The following TMEM170B variants were observed in gnomAD, a reference collection of about 807,000 sequenced individuals.
TMEM170B encodes the protein transmembrane protein 170B.
Under a neutral mutation model 13.0 loss-of-function variants are expected in TMEM170B, and 6 were observed. That is an observed-to-expected ratio of 0.46 (90% CI 0.25 to 0.91). TMEM170B has a LOEUF of 0.91. Among genes scored for constraint, TMEM170B ranks in the 40% least tolerant of loss-of-function variants. The probability of loss-of-function intolerance (pLI) is 0.17; values close to 1 mark genes in which losing one functional copy is unlikely to be tolerated. For missense variants in TMEM170B, 138 were observed against 165.2 expected (o/e 0.84, Z 0.90); for synonymous variants, 61 against 64.9 (o/e 0.94, Z 0.29).
intron 1 of TMEM170B, among the ~76,000 whole-genome samples, chr6:11,547,210 G>A (rs1400558329): frequency 6.6e-6 from 1 of 152,022 alleles, no homozygotes; most frequent in Non-Finnish European, 1.5e-5. Flanking sequence ...AATATTTAGT[G>A]TCAGTCAAAG....
At chr6:11,562,471 T>C (rs1274393003) in intron 1 of TMEM170B, among the ~76,000 whole-genome samples, 1 of 151,458 alleles carries the variant, frequency 6.6e-6, no homozygotes, top group Non-Finnish European at 1.5e-5. Flanking sequence ...CAGATGTATC[T>C]TCTTTGAAAT....
rs970210610 is a variant in TMEM170B, at chr6:11,579,331, C to G, written c.*3770C>G. 13 of 152,184 alleles carry G rather than the reference C, an allele frequency of 8.5e-5. No individual in the cohort carries two copies. Among genetic ancestry groups the G allele is most frequent in the African/African-American group, 3.1e-4 (13 of 41,446 alleles). 9.4% of individuals were successfully genotyped at this position (152,184 alleles called of 1,614,324 possible). On this transcript the variant is annotated 3_prime_UTR_variant, in exon 3 of 3. Transcript: ENST00000379426. ...ACTTCTCTGAGCCTCAGTTCATACT[C>G]CGTAAAATGTGACTAATACCTCATG...
intron 2 of TMEM170B, among the ~76,000 whole-genome samples, chr6:11,566,049 A>G (rs1759729503): frequency 6.6e-6 from 1 of 152,214 alleles, no homozygotes; most frequent in Non-Finnish European, 1.5e-5. Context: ...GTCCTTTTAC[A>G]AGGTTTTGAG....
intron 1 of TMEM170B, among the ~76,000 whole-genome samples, chr6:11,545,134 A>C (rs922331630): frequency 1.3e-5 from 2 of 152,142 alleles, no homozygotes; most frequent in African/African-American, 4.8e-5. Context: ...GTCCCTGGGA[A>C]AAAGATGAGG....
intron 2 of TMEM170B, among the ~76,000 whole-genome samples, chr6:11,566,175 TA>T (rs112414149): frequency 2.0e-5 from 3 of 152,302 alleles, no homozygotes; most frequent in African/African-American, 7.2e-5. Flanking sequence ...AACAAAGGCA[TA>T]AAAATATGTC....
rs1561693196 is a variant in TMEM170B, at chr6:11,583,139, TTTAAA to T, written c.*7582_*7586del. 2.0e-5 allele frequency: 3 copies of T among 152,232 alleles called. No homozygotes were observed. The highest frequency in any genetic ancestry group is 7.2e-5 in the African/African-American group (3 of 41,472). The allele number at this position is 152,232 out of a possible 1,614,324, so 9.4% of individuals were successfully genotyped here. ...TTAGCCTAGAGATGTTGATCTTTAT[TTTAAA>T]TTATTTTTCACCATTCTCATTTTCT... On this transcript the variant is annotated 3_prime_UTR_variant, in exon 3 of 3. Coordinates refer to ENST00000379426, the MANE Select transcript of TMEM170B (RefSeq NM_001100829.3).
intron 1 of TMEM170B, among the ~76,000 whole-genome samples, chr6:11,547,429 A>T (rs959885173): frequency 3.3e-5 from 5 of 152,270 alleles, no homozygotes; most frequent in African/African-American, 9.6e-5. Flanking sequence ...ATTACTTCAA[A>T]TGTCTACTTA....
chr6:11,557,550 T>C (rs1047520106), intron 1 of TMEM170B, among the ~76,000 whole-genome samples: 1 of 152,200 alleles, frequency 6.6e-6, no homozygotes, highest in African/African-American at 2.4e-5. Flanking sequence ...ATTTAGATAT[T>C]TTTAGAACAT....
rs943856243 is a variant in TMEM170B at position 11,583,130 on chromosome 6, G to A, written c.*7569G>A. 2.0e-5 allele frequency: 3 copies of A among 152,108 alleles called. No individual in the cohort carries two copies. Among genetic ancestry groups the A allele is most frequent in the East Asian group, 3.9e-4 (2 of 5,194 alleles). 9.4% of individuals were successfully genotyped at this position (152,108 alleles called of 1,614,324 possible). ...AGCATCAGTTTAGCCTAGAGATGTT[G>A]ATCTTTATTTTAAATTATTTTTCAC... On this transcript the variant is annotated 3_prime_UTR_variant, in exon 3 of 3. Transcript: ENST00000379426.
intron 1 of TMEM170B, among the ~76,000 whole-genome samples, chr6:11,551,203 C>A (rs1759521219): frequency 6.6e-6 from 1 of 152,084 alleles, no homozygotes; most frequent in Non-Finnish European, 1.5e-5. Context: ...CTGTTTTTTT[C>A]AGAATGAGAG....
At chr6:11,563,351 C>T (rs1246074385) in intron 1 of TMEM170B, among the ~76,000 whole-genome samples, 2 of 152,148 alleles carry the variant, frequency 1.3e-5, no homozygotes, top group Non-Finnish European at 2.9e-5. Context: ...TCCTCCCTCA[C>T]ACAGATCACT....
At chr6:11,571,592 C>T (rs1274908398) in intron 2 of TMEM170B, among the ~76,000 whole-genome samples, 7 of 151,980 alleles carry the variant, frequency 4.6e-5, no homozygotes, top group African/African-American at 1.7e-4. Flanking sequence ...GATCCGCATG[C>T]GTTATTTATT....
chr6:11,556,562 G>A (rs1759592537), intron 1 of TMEM170B, among the ~76,000 whole-genome samples: 1 of 152,142 alleles, frequency 6.6e-6, no homozygotes, highest in African/African-American at 2.4e-5. Context: ...CTCTGTGTAT[G>A]GGGATCTCAG....
intron 1 of TMEM170B, among the ~76,000 whole-genome samples, chr6:11,546,721 A>G (rs914421999): frequency 3.9e-5 from 6 of 152,236 alleles, no homozygotes; most frequent in African/African-American, 1.4e-4. Context: ...TTTGTTGCCT[A>G]GGAGCAATAG....
At chr6:11,550,582 C>G (rs1759511627) in intron 1 of TMEM170B, among the ~76,000 whole-genome samples, 1 of 152,108 alleles carries the variant, frequency 6.6e-6, no homozygotes, top group Admixed American at 6.5e-5. Context: ...GATGTATTTC[C>G]TTCTTAGAAA....
chr6:11,573,568 AG>A (rs1759833308), intron 2 of TMEM170B, among the ~76,000 whole-genome samples: 1 of 152,128 alleles, frequency 6.6e-6, no homozygotes, highest in South Asian at 2.1e-4. Flanking sequence ...TAAGTAGTGG[AG>A]CTTGGATTTT....
intron 1 of TMEM170B, among the ~76,000 whole-genome samples, chr6:11,542,979 G>A (rs547495195): frequency 6.6e-6 from 1 of 152,186 alleles, no homozygotes; most frequent in Admixed American, 6.5e-5. Context: ...GACTGAGCTG[G>A]GCTTTAGACC....
At chr6:11,563,586 C>T (rs1054204006) in intron 1 of TMEM170B, among the ~76,000 whole-genome samples, 2 of 152,192 alleles carry the variant, frequency 1.3e-5, no homozygotes, top group East Asian at 3.9e-4. Flanking sequence ...CCATTGACCC[C>T]TCCTCAGGTT....
chr6:11,578,317 G>A lies in TMEM170B; in HGVS notation c.*2756G>A, dbSNP rs12192607. 39 of 151,966 alleles carry A rather than the reference G, an allele frequency of 2.6e-4. No homozygotes were observed. Among genetic ancestry groups the A allele is most frequent in the African/African-American group, 9.4e-4 (39 of 41,370 alleles). 9.4% of individuals were successfully genotyped at this position (151,966 alleles called of 1,614,324 possible). On this transcript the variant is annotated 3_prime_UTR_variant, in exon 3 of 3. Transcript: ENST00000379426. ...TGTGATTTAGCAGTACATTTTCTTC[G>A]TGACAAATGCAAGAAGGGAGGGAGG... is the stretch of plus-strand genomic sequence containing the variant.
Sources: gnomAD v4.1 joint callset for allele counts (sites outside exome capture counted in the v4.1 genomes callset) on GRCh38, gnomAD v4.1.1 for gene constraint, MANE v1.5 for transcripts, NCBI Gene and HGNC (gene_info 2026-07-23, HGNC 2026-07-21) for gene names.